Variants in CSMD1 observed in about 807,000 individuals in gnomAD.
The protein encoded by CSMD1 is CUB and sushi domain-containing protein 1.
Under a neutral mutation model 417.5 loss-of-function variants are expected in CSMD1, and 213 were observed. The ratio of observed to expected loss-of-function variants is 0.51; its 90% confidence interval spans 0.46 to 0.57. CSMD1 has a LOEUF of 0.57. Ranked by LOEUF, CSMD1 falls within the 20% of genes least tolerant of loss-of-function variation. CSMD1 has a pLI of 0.00. For missense variants in CSMD1, 6,923 were observed against 4,529.7 expected (o/e 1.53, Z -15.17); for synonymous variants, 2,862 against 1,736.8 (o/e 1.65, Z -16.11).
chr8:3,419,534 G>A (rs779800652), intron 12 of CSMD1, among the ~76,000 whole-genome samples: 50 of 152,186 alleles, frequency 3.3e-4, no homozygotes, highest in Admixed American at 8.5e-4. Context: ...CTGTCAGGAG[G>A]AGGATATTCA....
chr8:4,498,780 G>C (rs1467867460), intron 2 of CSMD1, among the ~76,000 whole-genome samples: 3 of 152,154 alleles, frequency 2.0e-5, no homozygotes, highest in South Asian at 2.1e-4. Context: ...GAGGATGTTG[G>C]CCAAGCTAAC....
chr8:3,939,103 G>C (rs112473570), intron 5 of CSMD1, among the ~76,000 whole-genome samples: 3 of 152,076 alleles, frequency 2.0e-5, no homozygotes, highest in Non-Finnish European at 2.9e-5. Flanking sequence ...ATAAATTGTT[G>C]AGAGTTTATT....
intron 1 of CSMD1, among the ~76,000 whole-genome samples, 198 bp from the exon 2 acceptor site, chr8:4,637,756 C>T (rs373038184): frequency 3.5e-4 from 51 of 146,726 alleles, no homozygotes; most frequent in South Asian, 1.3e-3. Context: ...CTGCAAGCTC[C>T]GCTTCCCGGG....
At chr8:4,138,205 ATTTTT>A (rs562419797) in intron 3 of CSMD1, among the ~76,000 whole-genome samples, 54 of 69,464 alleles carry the variant, frequency 7.8e-4, no homozygotes, top group African/African-American at 1.6e-3. Flanking sequence ...GCAGCCTTAC[ATTTTT>A]TTTTTTTTTT....
intron 10 of CSMD1, among the ~76,000 whole-genome samples, chr8:3,525,884 T>A (rs902749863): frequency 2.0e-5 from 3 of 152,308 alleles, no homozygotes; most frequent in South Asian, 4.1e-4. Context: ...TAACTTGATC[T>A]GTATAAGACA....
intron 1 of CSMD1, among the ~76,000 whole-genome samples, chr8:4,944,366 G>T (rs77637640): frequency 6.6e-6 from 1 of 152,240 alleles, no homozygotes; most frequent in Non-Finnish European, 1.5e-5. Context: ...AATTATAAGG[G>T]CCAGCAAAAA....
chr8:4,701,324 T>TG (rs1807530684), intron 1 of CSMD1, among the ~76,000 whole-genome samples: 1 of 126,046 alleles, frequency 7.9e-6, no homozygotes, highest in South Asian at 2.3e-4. Flanking sequence ...ATGCTTTTTT[T>TG]TTTTTTAACT....
At chr8:3,364,100 G>C (rs1040403878) in intron 20 of CSMD1, among the ~76,000 whole-genome samples, 8 of 152,064 alleles carry the variant, frequency 5.3e-5, no homozygotes, top group African/African-American at 1.9e-4. Context: ...AAACCACAAA[G>C]TCTCTGGATG....
intron 2 of CSMD1, among the ~76,000 whole-genome samples, chr8:4,530,988 G>C (rs1796789655): frequency 6.6e-6 from 1 of 151,986 alleles, no homozygotes; most frequent in Non-Finnish European, 1.5e-5. Context: ...CAAGATGTGA[G>C]GCAAATCACA....
intron 5 of CSMD1, among the ~76,000 whole-genome samples, chr8:3,902,440 T>G (rs1341095419): frequency 1.3e-5 from 2 of 151,698 alleles, no homozygotes; most frequent in Non-Finnish European, 2.9e-5. Flanking sequence ...AGGGACCAAT[T>G]TCATGAAAGA....
rs117832236 is a variant in CSMD1 at position 4,607,648 on chromosome 8, G to A, written c.302+29694C>T. On this transcript the variant is annotated intron_variant, in intron 2 of 69. Coordinates refer to ENST00000635120, the MANE Select transcript of CSMD1 (RefSeq NM_033225.6). Reference sequence around the variant, plus strand: ...GCCAGCCATTTTTTGGTGTAAAAATGGATGGCACTACACTTCCAAAAAATT... The same window carrying A: ...GCCAGCCATTTTTTGGTGTAAAAATAGATGGCACTACACTTCCAAAAAATT... 2.2e-3 allele frequency among the ~76,000 whole-genome samples: 330 copies of A among 152,238 alleles called. 5 individuals are homozygous for A. The East Asian group carries it at 0.054, about 25-fold the overall frequency.
intron 41 of CSMD1, among the ~76,000 whole-genome samples, chr8:3,125,075 T>C (rs2129022639): frequency 6.6e-6 from 1 of 152,360 alleles, no homozygotes; most frequent in South Asian, 2.1e-4. Flanking sequence ...TTTTCTCAAA[T>C]GTCTTTTCCA....
At chr8:3,357,286 C>A (rs1368007039) in intron 21 of CSMD1, among the ~76,000 whole-genome samples, 3 of 152,202 alleles carry the variant, frequency 2.0e-5, no homozygotes, top group Non-Finnish European at 2.9e-5. Flanking sequence ...GTTGCAGGCT[C>A]CCTGGGTTCG....
intron 1 of CSMD1, among the ~76,000 whole-genome samples, chr8:4,749,403 T>G (rs894171442): frequency 6.6e-6 from 1 of 152,232 alleles, no homozygotes; most frequent in Non-Finnish European, 1.5e-5. Flanking sequence ...AAACACTTCA[T>G]ATATTCTGAA....
intron 3 of CSMD1, among the ~76,000 whole-genome samples, chr8:4,083,523 C>T (rs953380285): frequency 2.6e-5 from 4 of 152,154 alleles, no homozygotes; most frequent in Non-Finnish European, 5.9e-5. Context: ...ACACAGCCTG[C>T]AGAAATAATG....
intron 5 of CSMD1, among the ~76,000 whole-genome samples, chr8:3,762,645 G>C (rs145629159): frequency 6.6e-6 from 1 of 152,176 alleles, no homozygotes; most frequent in Non-Finnish European, 1.5e-5. Context: ...AGGTATAATC[G>C]CCCTGCTGAC....
chr8:4,786,585 G>T (rs186585509), intron 1 of CSMD1, among the ~76,000 whole-genome samples: 1 of 152,152 alleles, frequency 6.6e-6, no homozygotes, highest in Non-Finnish European at 1.5e-5. Context: ...CAGCAGTGTG[G>T]CATTTGAGGC....
chr8:4,022,567 T>A (rs762190948), intron 4 of CSMD1, among the ~76,000 whole-genome samples: 1 of 152,128 alleles, frequency 6.6e-6, no homozygotes, highest in Non-Finnish European at 1.5e-5. Flanking sequence ...AGGGTGTGCA[T>A]TGAGGGCACG....
chr8:4,027,266 G>A lies in CSMD1; in HGVS notation c.610+4639C>T, dbSNP rs142566975. Among the ~76,000 whole-genome samples, 15 of 152,262 alleles carry A rather than the reference G, an allele frequency of 9.9e-5. No homozygotes were observed. The East Asian group carries it at 2.7e-3, about 27-fold the overall frequency. ...AGTTTGGCTGATAAAAGAAATGTTA[G>A]GATGAAGATGGATGTTAGGAGAGAG... On this transcript the variant is annotated intron_variant, in intron 4 of 69. Coordinates refer to ENST00000635120, the MANE Select transcript of CSMD1 (RefSeq NM_033225.6).
Sources: allele counts gnomAD v4.1 joint callset (sites outside exome capture counted in the v4.1 genomes callset), GRCh38; gene constraint gnomAD v4.1.1; transcripts MANE v1.5; gene names NCBI Gene and HGNC (gene_info 2026-07-23, HGNC 2026-07-21).